Variants in YLPM1 observed in about 807,000 individuals in gnomAD.
YLPM1 encodes the protein YLP motif containing 1.
Under a neutral mutation model 230.0 loss-of-function variants are expected in YLPM1, and 99 were observed. The ratio of observed to expected loss-of-function variants is 0.43; its 90% CI spans 0.37 to 0.51. YLPM1 has a LOEUF of 0.51. YLPM1 is among the 20% of genes least tolerant of loss of function. YLPM1 has a pLI of 0.00. For missense variants in YLPM1, 2,592 were observed against 2,707.7 expected, an observed-to-expected ratio of 0.96 and a Z score of 0.95; for synonymous variants, 984 against 942.5, an observed-to-expected ratio of 1.04 and a Z score of -0.81.
rs3742792 is a variant in YLPM1 at position 74,797,562 on chromosome 14, C to A, written c.2283-18C>A. 9,604 of 1,441,370 alleles carry A rather than the reference C, an allele frequency of 6.7e-3. 100 individuals carry two copies. Among genetic ancestry groups the A allele is most frequent in the South Asian group, 0.03 (1,918 of 63,766 alleles). 89.3% of individuals were successfully genotyped at this position (1,441,370 alleles called of 1,614,324 possible). A position where few individuals can be genotyped will look rare whatever the true frequency, so the allele number is the denominator to read the frequency against. ...TCTGCTTTACTGTCTTGAGTAATAT[C>A]TTTTGTTTTACTTGTAGATTTGATG... On this transcript the variant is annotated intron_variant, in intron 4 of 20. Coordinates refer to ENST00000325680, the MANE Select transcript of YLPM1 (RefSeq NM_019589.3).
At chr14:74,811,490 A>G (rs2091434365) in intron 9 of YLPM1, 130 bp from the exon 10 acceptor site, 1 of 624,334 alleles carries the variant, frequency 1.6e-6, no homozygotes. Context: ...TCTCAAAAAA[A>G]AAAAGTAAAC....
Position 74,782,024 on chromosome 14 carries a change from C to G in YLPM1, c.1981C>G (p.Gln661Glu). Residue 661 changes from glutamine to glutamate, a missense_variant, in exon 4 of 21, where the codon CAA (glutamine) becomes GAA (glutamate). Physicochemically the swap from Gln to Glu is conservative, Grantham distance 29 (BLOSUM62 2). Coordinates refer to ENST00000325680, the MANE Select transcript of YLPM1 (RefSeq NM_019589.3). The part of the protein sequence containing the change: ...VPPASSSQSS[Q>E]VPEKPRPALL... ...ACCAGCCTCCAGTTCACAGAGCTCG[C>G]AAGTTCCAGAGAAACCTAGACCAGC... 6.2e-7 allele frequency: 1 copy of G among 1,613,998 alleles called. No individual in the cohort carries two copies. The highest frequency in any genetic ancestry group is 8.5e-7 in the Non-Finnish European group (1 of 1,179,874).
chr14:74,780,261 C>T, intron 2 of YLPM1, 144 bp from the exon 3 acceptor site: 4 of 997,030 alleles, frequency 4.0e-6, no homozygotes, highest in Non-Finnish European at 5.6e-6. Context: ...TAGCTGTTCT[C>T]AATCCAAAAA....
Position 74,799,342 on chromosome 14 carries a change from G to T in YLPM1, c.4045G>T (p.Asp1349Tyr), listed in dbSNP as rs1415988942. The part of the protein sequence containing the change: ...PLPPLDRYRD[D>Y]RWREERNREH... ...TCCACCTTTGGATAGATATCGGGATGATAGATGGAGAGAAGAAAGAAATCG... is the reference window on the plus strand; with the variant it reads ...TCCACCTTTGGATAGATATCGGGATTATAGATGGAGAGAAGAAAGAAATCG... The change falls in exon 5 of 21, where the codon GAT becomes TAT. Residue 1349 changes from aspartate (D) to tyrosine (Y), a missense_variant. By Grantham distance (160) the Asp-to-Tyr change is radical. Coordinates refer to ENST00000325680, the MANE Select transcript of YLPM1 (RefSeq NM_019589.3). The T allele has an allele frequency of 1.2e-6, 2 of 1,614,034 alleles. No individual in the cohort carries two copies. Among genetic ancestry groups the T allele is most frequent in the South Asian group, 2.2e-5 (2 of 91,086 alleles).
At chr14:74,812,335 A>G (rs1307763777) in intron 10 of YLPM1, among the ~76,000 whole-genome samples, 2 of 152,220 alleles carry the variant, frequency 1.3e-5, no homozygotes, top group Non-Finnish European at 2.9e-5. Flanking sequence ...CCAGCAAAGC[A>G]TTTATTATTC....
intron 19 of YLPM1, among the ~76,000 whole-genome samples, chr14:74,833,248 TTTAA>T (rs773839765): frequency 1.4e-4 from 22 of 152,094 alleles, no homozygotes; most frequent in Non-Finnish European, 3.2e-4. Flanking sequence ...ATGAATTAAA[TTTAA>T]TTAATTAATT....
At chr14:74,770,672 C>A (rs2090970096) in intron 1 of YLPM1, among the ~76,000 whole-genome samples, 1 of 151,862 alleles carries the variant, frequency 6.6e-6, no homozygotes, top group Non-Finnish European at 1.5e-5. Flanking sequence ...AGTTAGAATT[C>A]AAAGAATTAA....
In YLPM1 at chr14:74,816,660, T is replaced by C; in HGVS notation, c.5655T>C (p.Asp1885=). 1 of 1,613,326 alleles carries C rather than the reference T, an allele frequency of 6.2e-7. No individual in the cohort carries two copies. The highest frequency in any genetic ancestry group is 1.3e-5 in the African/African-American group (1 of 75,010). ...CTGAAGTGGAAAAAGAAGAAAAAGA[T>C]CCAGATTCTGGAAAGAAAGTGAAAA... ...FITEVEKEEK[D]PDSGKKVKKK... Residue 1885 remains aspartate, a synonymous_variant, in exon 13 of 21, where the codon GAT becomes GAC. Transcript: ENST00000325680.
Position 74,798,552 on chromosome 14 carries a change from G to C in YLPM1, c.3255G>C (p.Arg1085Ser). 1 of 1,613,940 alleles carries C rather than the reference G, an allele frequency of 6.2e-7. No individual in the cohort carries two copies. Residue 1085 changes from arginine to serine, a missense_variant, in exon 5 of 21, where the codon AGG becomes AGC. Coordinates refer to ENST00000325680, the MANE Select transcript of YLPM1 (RefSeq NM_019589.3). ...GTAGCCGGGACAGAGGGTTGGTGAGGCCTGGAAGCAGTCGGGAGAAAGTGC... is the reference window on the plus strand; with the variant it reads ...GTAGCCGGGACAGAGGGTTGGTGAGCCCTGGAAGCAGTCGGGAGAAAGTGC... The part of the protein sequence containing the change: ...GEGSRDRGLV[R>S]PGSSREKVPG...
intron 4 of YLPM1, 122 bp from the exon 5 acceptor site, chr14:74,797,458 T>A: frequency 2.4e-6 from 2 of 820,578 alleles, no homozygotes; most frequent in Non-Finnish European, 3.6e-6. Flanking sequence ...ATTAATTTAA[T>A]GACTGAAAAG....
chr14:74,809,431 A>G lies in YLPM1; in HGVS notation c.4573A>G (p.Ile1525Val), dbSNP rs555857511. The G allele has an allele frequency of 8.7e-6, 14 of 1,607,476 alleles. No homozygotes were observed. In the East Asian group the frequency reaches 1.1e-4, roughly 13 times the overall value. Reference sequence around the variant, plus strand: ...TCCTATGGGCAAACCACCAGGTTCAATTGTAAGACCCTCTGCTCCACCAGC... The same window carrying G: ...TCCTATGGGCAAACCACCAGGTTCAGTTGTAAGACCCTCTGCTCCACCAGC... ...PPPMGKPPGS[I>V]VRPSAPPARS... Residue 1525 changes from isoleucine (I) to valine (V), a missense_variant, in exon 7 of 21, where the codon ATT becomes GTT. By Grantham distance (29) the Ile-to-Val change is conservative. Transcript: ENST00000325680.
At chr14:74,831,224 G>A (rs190086050) in intron 19 of YLPM1, among the ~76,000 whole-genome samples, 329 of 152,268 alleles carry the variant, frequency 2.2e-3, no homozygotes, top group Middle Eastern at 0.014. Flanking sequence ...GTGCCTTAAT[G>A]TGCTTAGTGT....
chr14:74,795,720 A>G (rs904593951), intron 4 of YLPM1, among the ~76,000 whole-genome samples: 3 of 152,234 alleles, frequency 2.0e-5, no homozygotes, highest in Admixed American at 1.3e-4. Context: ...TGCTAAAGCA[A>G]TCTTTTAAAA....
intron 4 of YLPM1, among the ~76,000 whole-genome samples, chr14:74,786,759 G>C (rs1423085507): frequency 6.6e-6 from 1 of 152,138 alleles, no homozygotes; most frequent in Non-Finnish European, 1.5e-5. Context: ...TGCTGTATGT[G>C]TCCCTTTAGA....
chr14:74,797,982 G>A lies in YLPM1; in HGVS notation c.2685G>A (p.Ala895=), dbSNP rs373789226. The A allele has an allele frequency of 3.4e-4, 544 of 1,613,674 alleles. 1 individual carries two copies. The highest frequency in any genetic ancestry group is 1.8e-3 in the South Asian group (164 of 91,058). Residue 895 remains alanine, a synonymous_variant, in exon 5 of 21, where the codon GCG becomes GCA. Transcript: ENST00000325680. ...SIAADVKDVK[A]AQSNENLSDS... is the part of the protein sequence containing the mutation. ...CTGCAGATGTAAAGGATGTCAAGGC[G>A]GCTCAGTCAAATGAGAATCTAAGCG...
Position 74,764,116 on chromosome 14 carries a change from C to G in YLPM1, c.627C>G (p.Ser209=). The change falls in exon 1 of 21, where the codon TCC becomes TCG. Residue 209 remains serine (S), a synonymous_variant. Transcript: ENST00000325680. ...SYLAPTPSYS[S]SSSSSQSYLS... Reference sequence around the variant, plus strand: ...TGGCGCCCACCCCTTCTTACTCATCCTCCTCCTCTTCCTCGCAATCCTATT... The same window carrying G: ...TGGCGCCCACCCCTTCTTACTCATCGTCCTCCTCTTCCTCGCAATCCTATT... The G allele has an allele frequency of 6.2e-7, 1 of 1,613,566 alleles. No individual in the cohort carries two copies. Among genetic ancestry groups the G allele is most frequent in the South Asian group, 1.1e-5 (1 of 91,052 alleles).
intron 4 of YLPM1, among the ~76,000 whole-genome samples, chr14:74,786,361 CA>C (rs57016882): frequency 0.4 from 31,987 of 79,978 alleles, 2,788 homozygotes; most frequent in East Asian, 0.47. Context: ...GACTCCGTCT[CA>C]AAAAAAAAAA....
chr14:74,763,671 T>C lies in YLPM1; in HGVS notation c.182T>C (p.Leu61Pro). The change falls in exon 1 of 21, where the codon CTC becomes CCC. Residue 61 changes from leucine (L) to proline (P), a missense_variant. By Grantham distance (98) the Leu-to-Pro change is moderately conservative. Transcript: ENST00000325680. The stretch of plus-strand genomic sequence containing the variant: ...TTCCGCGAACAGCACTTGGCGCAGC[T>C]CCAGCAGCTGCAGCAGATGCACCAG... The part of the protein sequence containing the change: ...MSFREQHLAQ[L>P]QQLQQMHQKQ... 6.3e-7 allele frequency: 1 copy of C among 1,578,506 alleles called. No homozygotes were observed. The highest frequency in any genetic ancestry group is 8.6e-7 in the Non-Finnish European group (1 of 1,159,538).
Position 74,781,909 on chromosome 14 carries a change from A to G in YLPM1, c.1866A>G (p.Pro622=). ...CACCTCCACCTGTCATGCCCCTCCCACCATTGTCTTCAGCTACACCTCCTC... is the reference window on the plus strand; with the variant it reads ...CACCTCCACCTGTCATGCCCCTCCCGCCATTGTCTTCAGCTACACCTCCTC... ...STAPPPVMPL[P]PLSSATPPPG... Residue 622 remains proline, a synonymous_variant, in exon 4 of 21, where the codon CCA becomes CCG. Transcript: ENST00000325680. The G allele has an allele frequency of 1.9e-6, 3 of 1,610,864 alleles. No individual in the cohort carries two copies. Among genetic ancestry groups the G allele is most frequent in the Non-Finnish European group, 2.5e-6 (3 of 1,179,098 alleles).
Sources: allele counts gnomAD v4.1 joint callset (sites outside exome capture counted in the v4.1 genomes callset), GRCh38; gene constraint gnomAD v4.1.1; transcripts MANE v1.5; gene names NCBI Gene and HGNC (gene_info 2026-07-23, HGNC 2026-07-21).